The following RFC2 variants were observed in gnomAD, a reference collection of about 807,000 sequenced individuals.
The protein encoded by RFC2 is A1 40 kDa subunit.
A neutral mutation model predicts 44.8 loss-of-function variants in RFC2; 34 were observed. The ratio of observed to expected loss-of-function variants is 0.76; its 90% CI spans 0.58 to 1.01. The LOEUF is 1.01. RFC2 is among the 50% of genes least tolerant of loss of function. The probability of loss-of-function intolerance (pLI) is 0.00; values close to 1 mark genes in which losing one functional copy is unlikely to be tolerated. For missense variants in RFC2, 400 were observed against 453.6 expected (o/e 0.88, Z 1.07); for synonymous variants, 177 against 168.9 (o/e 1.05, Z -0.37).
rs532379733 is a variant in RFC2 at position 74,250,296 on chromosome 7, C to A, written c.184-516G>T. 2.0e-5 allele frequency among the ~76,000 whole-genome samples: 3 copies of A among 152,124 alleles called. No individual in the cohort carries two copies. In the South Asian group the frequency reaches 6.2e-4, roughly 32 times the overall value. ...CCCCATGGAACTCTCACCTCAAGTT[C>A]TTTTTATTCTTTTAGAGATGCACTC... is the stretch of plus-strand genomic sequence containing the variant. On this transcript the variant is annotated intron_variant, in intron 2 of 10. Coordinates refer to ENST00000055077, the MANE Select transcript of RFC2 (RefSeq NM_181471.3).
chr7:74,248,549 G>A (rs1803755200), intron 4 of RFC2, among the ~76,000 whole-genome samples: 1 of 151,766 alleles, frequency 6.6e-6, no homozygotes, highest in African/African-American at 2.4e-5. Flanking sequence ...ACCCAGGCTG[G>A]AGTGCTCAAC....
intron 4 of RFC2, 117 bp downstream of exon 4, chr7:74,248,883 GGGAAGGGGTGGA>G (rs377405551): frequency 1.3e-5 from 9 of 676,118 alleles, no homozygotes; most frequent in African/African-American, 1.1e-4. Context: ...CTCTTTCACT[GGGAAGGGGTGGA>G]GGAAATCACA....
At chr7:74,253,763 C>G (rs2116360001) in intron 1 of RFC2, 1 of 157,456 alleles carries the variant, frequency 6.4e-6, no homozygotes, top group South Asian at 1.6e-4. Context: ...TGCCTGTAGT[C>G]CCATCTACTT....
intron 6 of RFC2, among the ~76,000 whole-genome samples, chr7:74,242,698 G>A (rs893856662): frequency 2.7e-5 from 4 of 146,832 alleles, no homozygotes; most frequent in African/African-American, 1.0e-4. Context: ...AGGCGATCAC[G>A]AGGTCAGACG....
chr7:74,236,121 A>G (rs1563986693), intron 9 of RFC2, among the ~76,000 whole-genome samples: 2 of 152,176 alleles, frequency 1.3e-5, no homozygotes, highest in Admixed American at 6.5e-5. Context: ...TGCAGTCCCA[A>G]TGCAACCTCT....
chr7:74,232,360 C>G, intron 10 of RFC2, 144 bp from the exon 11 acceptor site: 1 of 586,298 alleles, frequency 1.7e-6, no homozygotes, highest in Non-Finnish European at 3.0e-6. Context: ...CCAACCCCAG[C>G]CGGAAAATGA....
chr7:74,235,822 AT>A (rs1271842655), intron 9 of RFC2, among the ~76,000 whole-genome samples, 177 bp from the exon 10 acceptor site: 2 of 151,286 alleles, frequency 1.3e-5, no homozygotes, highest in East Asian at 3.9e-4. Flanking sequence ...TTGCTTAAAT[AT>A]TTTTTTTTCA....
At position 74,254,273 on chromosome 7, in the gene RFC2, C is replaced by T. The variant is rs202135064; in HGVS notation, c.111G>A (p.Pro37=). The stretch of plus-strand genomic sequence containing the variant: ...TTCTTTACGGCCTGGGACCTCACCA[C>T]GGCAGTTCGTAGTGGCCGGCGCTGC... ...APGSAGHYEL[P]WVEKYRPVKL... The change falls in exon 1 of 11, where the codon CCG becomes CCA. Residue 37 remains proline, a splice_region_variant and synonymous_variant. Transcript: ENST00000055077. 2.5e-6 allele frequency: 4 copies of T among 1,609,292 alleles called. No homozygotes were observed. The highest frequency in any genetic ancestry group is 2.7e-5 in the African/African-American group (2 of 74,960).
Position 74,235,622 on chromosome 7 carries a change from C to T in RFC2, c.864G>A (p.Leu288=), listed in dbSNP as rs1802974222. The stretch of plus-strand genomic sequence containing the variant: ...CAATGATATCTTCTGGTGAGTAGCC[C>T]AGATGCCACAAGTGAGCAAGAATCT... The part of the protein sequence containing the change: ...AYKILAHLWH[L]GYSPEDIIGN... The change falls in exon 10 of 11, where the codon CTG becomes CTA. Residue 288 remains leucine (L), a synonymous_variant. Transcript: ENST00000055077. The T allele has an allele frequency of 6.2e-7, 1 of 1,612,784 alleles. No homozygotes were observed. Among genetic ancestry groups the T allele is most frequent in the Admixed American group, 1.7e-5 (1 of 59,982 alleles).
chr7:74,243,313 C>T, intron 5 of RFC2, 67 bp from the exon 6 acceptor site: 1 of 1,092,496 alleles, frequency 9.2e-7, no homozygotes, highest in South Asian at 1.3e-5. Flanking sequence ...GTTCCCTATA[C>T]AAAAACCCAG....
intron 4 of RFC2, among the ~76,000 whole-genome samples, chr7:74,248,778 A>T (rs1803767199): frequency 6.6e-6 from 1 of 152,126 alleles, no homozygotes; most frequent in South Asian, 2.1e-4. Flanking sequence ...CTGGAATTAC[A>T]GGTGTGAGCC....
At chr7:74,248,039 C>T (rs992362675) in intron 4 of RFC2, among the ~76,000 whole-genome samples, 2 of 152,058 alleles carry the variant, frequency 1.3e-5, no homozygotes, top group African/African-American at 4.8e-5. Flanking sequence ...AAGCGATCCA[C>T]CTGCCTCAGC....
intron 7 of RFC2, among the ~76,000 whole-genome samples, 167 bp downstream of exon 7, chr7:74,239,769 CCT>C (rs1197697745): frequency 6.6e-6 from 1 of 152,182 alleles, no homozygotes; most frequent in African/African-American, 2.4e-5. Context: ...CCCTTCCCTG[CCT>C]CTCTTCTTGG....
In RFC2 at chr7:74,231,987, G is replaced by A. The variant is rs41272918; in HGVS notation, c.*119C>T. 4.8e-3 allele frequency: 3,266 copies of A among 674,772 alleles called. 24 individuals carry two copies. Among genetic ancestry groups the A allele is most frequent in the Middle Eastern group, 9.0e-3 (22 of 2,444 alleles). 41.8% of individuals were successfully genotyped at this position (674,772 alleles called of 1,614,324 possible). The stretch of plus-strand genomic sequence containing the variant: ...GAGCTACCGTGCCTGGCCAGCCACT[G>A]GAGTTTAAAGGACAGTCATGTTGGC... On this transcript the variant is annotated 3_prime_UTR_variant, in exon 11 of 11. Coordinates refer to ENST00000055077, the MANE Select transcript of RFC2 (RefSeq NM_181471.3).
At chr7:74,239,223 T>C (rs1803189421) in intron 7 of RFC2, among the ~76,000 whole-genome samples, 1 of 145,430 alleles carries the variant, frequency 6.9e-6, no homozygotes, top group African/African-American at 2.6e-5. Flanking sequence ...TCACCCAGCA[T>C]GGAGTGTAGT....
intron 2 of RFC2, among the ~76,000 whole-genome samples, chr7:74,250,068 G>A (rs1003382736): frequency 3.2e-4 from 49 of 151,722 alleles, no homozygotes; most frequent in African/African-American, 1.1e-3. Context: ...TGGGAGGATC[G>A]GTTGAGCCTG....
At chr7:74,237,605 C>T (rs1803095342) in intron 8 of RFC2, among the ~76,000 whole-genome samples, 163 bp from the exon 9 acceptor site, 1 of 152,220 alleles carries the variant, frequency 6.6e-6, no homozygotes, top group South Asian at 2.1e-4. Flanking sequence ...ATGCTCCTCT[C>T]ACCATCAAAG....
intron 10 of RFC2, among the ~76,000 whole-genome samples, chr7:74,232,789 T>C (rs1554717428): frequency 1.3e-5 from 2 of 151,992 alleles, no homozygotes; most frequent in African/African-American, 4.8e-5. Context: ...CACTTAAACC[T>C]GGGAGGCGAA....
rs782807370 is a variant in RFC2 at position 74,252,419 on chromosome 7, A to G, written c.183+10T>C. ...GAGACTCTGTCTCAAAAAAAAAAAAAGCCACTCACCTCTAGCCTGCTCACG... is the reference window on the plus strand; with the variant it reads ...GAGACTCTGTCTCAAAAAAAAAAAAGGCCACTCACCTCTAGCCTGCTCACG... On this transcript the variant is annotated intron_variant, in intron 2 of 10. Transcript: ENST00000055077. 1.6e-5 allele frequency: 24 copies of G among 1,520,776 alleles called. No individual in the cohort carries two copies. Among genetic ancestry groups the G allele is most frequent in the Non-Finnish European group, 2.2e-5 (24 of 1,108,706 alleles). The allele number at this position is 1,520,776 out of a possible 1,614,324, so 94.2% of individuals were successfully genotyped here. A position where few individuals can be genotyped will look rare whatever the true frequency, so the allele number is the denominator to read the frequency against.
Sources: gnomAD v4.1 joint callset for allele counts (sites outside exome capture counted in the v4.1 genomes callset) on GRCh38, gnomAD v4.1.1 for gene constraint, MANE v1.5 for transcripts, NCBI Gene and HGNC (gene_info 2026-07-23, HGNC 2026-07-21) for gene names.